The following PDZRN3 variants were observed in gnomAD, a reference collection of about 807,000 sequenced individuals.
PDZRN3 encodes the protein E3 ubiquitin-protein ligase PDZRN3.
In PDZRN3, 38 loss-of-function variants were observed where a neutral mutation model predicts 85.7. That is an observed-to-expected ratio of 0.44 (90% CI 0.34 to 0.58). PDZRN3 has a LOEUF of 0.58. Ranked by LOEUF, PDZRN3 falls within the 20% of genes least tolerant of loss-of-function variation. The probability of loss-of-function intolerance (pLI) is 0.01; values close to 1 mark genes in which losing one functional copy is unlikely to be tolerated. For synonymous variants in PDZRN3, 759 were observed against 638.0 expected, an observed-to-expected ratio of 1.19 and a Z score of -2.86; for missense variants, 1,629 against 1,506.4, an observed-to-expected ratio of 1.08 and a Z score of -1.35.
chr3:73,385,570 A>ACTT (rs1271305250), intron 9 of PDZRN3, 99 bp downstream of exon 9: 15 of 718,440 alleles, frequency 2.1e-5, no homozygotes, highest in Non-Finnish European at 3.6e-5. Context: ...AGGTGGATGG[A>ACTT]CTTCTGATGG....
chr3:73,489,851 C>A (rs1027082484), intron 3 of PDZRN3, among the ~76,000 whole-genome samples: 1 of 151,944 alleles, frequency 6.6e-6, no homozygotes, highest in Non-Finnish European at 1.5e-5. Flanking sequence ...GGATTCCAGG[C>A]GTGAGCCACC....
At chr3:73,455,405 T>C (rs1702958179) in intron 3 of PDZRN3, among the ~76,000 whole-genome samples, 1 of 152,236 alleles carries the variant, frequency 6.6e-6, no homozygotes, top group South Asian at 2.1e-4. Context: ...ATGGTCTTCA[T>C]GAATACATGA....
intron 3 of PDZRN3, among the ~76,000 whole-genome samples, chr3:73,503,321 G>T (rs1279631077): frequency 1.3e-5 from 2 of 152,072 alleles, no homozygotes; most frequent in African/African-American, 2.4e-5. Flanking sequence ...AGATTCTGAG[G>T]TCATAAATCT....
intron 3 of PDZRN3, among the ~76,000 whole-genome samples, chr3:73,505,969 C>T (rs986217749): frequency 5.3e-5 from 8 of 152,092 alleles, no homozygotes; most frequent in African/African-American, 1.9e-4. Context: ...AGTATCCCCC[C>T]TAAGACTCCC....
chr3:73,563,600 G>A (rs1701883445), intron 3 of PDZRN3, among the ~76,000 whole-genome samples: 1 of 152,154 alleles, frequency 6.6e-6, no homozygotes. Context: ...GTGGGCTTCT[G>A]CAAATTTCCT....
chr3:73,618,166 T>C (rs1702794090), intron 1 of PDZRN3, among the ~76,000 whole-genome samples: 1 of 152,212 alleles, frequency 6.6e-6, no homozygotes, highest in African/African-American at 2.4e-5. Flanking sequence ...GCAAGTTATT[T>C]AACTTTCTGA....
intron 3 of PDZRN3, among the ~76,000 whole-genome samples, chr3:73,453,417 A>C (rs1385376197): frequency 3.7e-5 from 5 of 135,288 alleles, no homozygotes; most frequent in African/African-American, 1.1e-4. Flanking sequence ...AAAAAAAAAA[A>C]AAAAAACAAA....
chr3:73,503,207 C>T (rs981807306), intron 3 of PDZRN3, among the ~76,000 whole-genome samples: 1 of 152,128 alleles, frequency 6.6e-6, no homozygotes, highest in African/African-American at 2.4e-5. Flanking sequence ...ACTAGTGTTT[C>T]CTTTATAAGC....
intron 1 of PDZRN3, among the ~76,000 whole-genome samples, chr3:73,619,567 G>T (rs937893813): frequency 7.9e-5 from 12 of 152,190 alleles, no homozygotes; most frequent in African/African-American, 2.9e-4. Context: ...AAATTTTGCA[G>T]GTTATTTAGT....
intron 3 of PDZRN3, among the ~76,000 whole-genome samples, chr3:73,586,636 C>G (rs1365765774): frequency 6.6e-6 from 1 of 152,186 alleles, no homozygotes; most frequent in Non-Finnish European, 1.5e-5. Flanking sequence ...CTCAGAGATG[C>G]TGGATTCAGA....
chr3:73,403,598 C>T (rs1701796734), intron 4 of PDZRN3, among the ~76,000 whole-genome samples: 1 of 152,156 alleles, frequency 6.6e-6, no homozygotes, highest in Non-Finnish European at 1.5e-5. Flanking sequence ...TTATCGCTGG[C>T]AGAAATAAGT....
intron 3 of PDZRN3, among the ~76,000 whole-genome samples, chr3:73,504,794 T>C (rs953789122): frequency 6.6e-6 from 1 of 152,248 alleles, no homozygotes; most frequent in Non-Finnish European, 1.5e-5. Context: ...AGCTTGTATA[T>C]ATAAAGATAA....
At chr3:73,450,781 T>G (rs1423476083) in intron 3 of PDZRN3, among the ~76,000 whole-genome samples, 1 of 152,168 alleles carries the variant, frequency 6.6e-6, no homozygotes, top group African/African-American at 2.4e-5. Flanking sequence ...CTTTGAAAGA[T>G]CAGAACTGAA....
chr3:73,471,622 G>A (rs1184221885), intron 3 of PDZRN3, among the ~76,000 whole-genome samples: 17 of 152,088 alleles, frequency 1.1e-4, no homozygotes, highest in Non-Finnish European at 2.2e-4. Context: ...TAGCAGCTGG[G>A]CCCAGTCAGC....
chr3:73,530,836 G>A (rs1374692561), intron 3 of PDZRN3, among the ~76,000 whole-genome samples: 1 of 152,176 alleles, frequency 6.6e-6, no homozygotes, highest in African/African-American at 2.4e-5. Flanking sequence ...CAACTCTTCT[G>A]TTACTTTGTT....
Position 73,610,792 on chromosome 3 carries a change from T to C in PDZRN3, c.724-2108A>G, listed in dbSNP as rs1163742462. Among the ~76,000 whole-genome samples the C allele has an allele frequency of 5.3e-5, 8 of 152,330 alleles. No individual in the cohort carries two copies. The East Asian group carries it at 1.5e-3, about 29-fold the overall frequency. On this transcript the variant is annotated intron_variant, in intron 1 of 9. Transcript: ENST00000263666. Reference sequence around the variant, plus strand: ...TTTAAAAGATTGGTCTTCAATCTACTGTGTGATAACCACTTATTCAAGAAA... The same window carrying C: ...TTTAAAAGATTGGTCTTCAATCTACCGTGTGATAACCACTTATTCAAGAAA...
At chr3:73,574,463 G>T (rs192267766) in intron 3 of PDZRN3, among the ~76,000 whole-genome samples, 1 of 141,536 alleles carries the variant, frequency 7.1e-6, no homozygotes, top group African/African-American at 2.7e-5. Flanking sequence ...GGGGTGGGGG[G>T]GGTGGGGAGG....
chr3:73,620,705 T>C (rs1702844978), intron 1 of PDZRN3, among the ~76,000 whole-genome samples: 1 of 151,830 alleles, frequency 6.6e-6, no homozygotes, highest in Admixed American at 6.6e-5. Flanking sequence ...GCCTCCCGAG[T>C]AGCTGGGACT....
intron 2 of PDZRN3, among the ~76,000 whole-genome samples, chr3:73,608,012 C>T (rs754476833): frequency 1.3e-5 from 2 of 152,200 alleles, no homozygotes; most frequent in Non-Finnish European, 2.9e-5. Flanking sequence ...CACTGCTACT[C>T]TCTGGAGCCC....
Sources: gnomAD v4.1 joint callset for allele counts (sites outside exome capture counted in the v4.1 genomes callset) on GRCh38, gnomAD v4.1.1 for gene constraint, MANE v1.5 for transcripts, NCBI Gene and HGNC (gene_info 2026-07-23, HGNC 2026-07-21) for gene names.